MAP2K3: variants seen among roughly 807,000 people sequenced by gnomAD.
MAP2K3 encodes mitogen-activated protein kinase kinase 3.
A neutral mutation model predicts 46.4 loss-of-function variants in MAP2K3; 30 were observed. The observed-to-expected ratio is 0.65, with a 90% CI of 0.48 to 0.88. The LOEUF is 0.88. Ranked by LOEUF, MAP2K3 falls within the 40% of genes least tolerant of loss-of-function variation. The pLI, the probability that MAP2K3 is intolerant of heterozygous loss-of-function variation, is 0.00. For missense variants in MAP2K3, 380 were observed against 464.5 expected (o/e 0.82, Z 1.67); for synonymous variants, 189 against 176.3 (o/e 1.07, Z -0.57).
Position 21,303,521 on chromosome 17 carries a change from T to C in MAP2K3, c.568+287T>C, listed in dbSNP as rs987621513. 7.4e-4 allele frequency among the ~76,000 whole-genome samples: 113 copies of C among 152,372 alleles called. No homozygotes were observed. In the South Asian group the frequency reaches 9.3e-3, roughly 13 times the overall value. On this transcript the variant is annotated intron_variant, in intron 7 of 11. Transcript: ENST00000342679. ...GTGAAACTCCAGCATAGAGTGCATA[T>C]AATCATGTTCACACCCATGCAACCA... is the stretch of plus-strand genomic sequence containing the variant.
rs1316019842 is a variant in MAP2K3, at chr17:21,303,172, C to A, written c.517-11C>A. On this transcript the variant is annotated splice_polypyrimidine_tract_variant and intron_variant, in intron 6 of 11. Coordinates refer to ENST00000342679, the MANE Select transcript of MAP2K3 (RefSeq NM_145109.3). ...GTCCTGTCTCTTCCCTCCTCCCCACCCCACCGCCAGATCGTGCGGGCCCTG... is the reference window on the plus strand; with the variant it reads ...GTCCTGTCTCTTCCCTCCTCCCCACACCACCGCCAGATCGTGCGGGCCCTG... 6.2e-7 allele frequency: 1 copy of A among 1,614,236 alleles called. No homozygotes were observed. The highest frequency in any genetic ancestry group is 1.7e-5 in the Admixed American group (1 of 60,024).
chr17:21,297,469 G>A (rs1347700179), intron 1 of MAP2K3, among the ~76,000 whole-genome samples: 1 of 152,310 alleles, frequency 6.6e-6, no homozygotes, highest in Non-Finnish European at 1.5e-5. Flanking sequence ...TGGTCTCCGG[G>A]AGCCGTGTCA....
chr17:21,294,698 G>T (rs2363233), intron 1 of MAP2K3, among the ~76,000 whole-genome samples: 36 of 152,422 alleles, frequency 2.4e-4, no homozygotes, highest in African/African-American at 8.2e-4. Flanking sequence ...GGGTGGACAG[G>T]GGTGGTCTGG....
chr17:21,298,788 C>T, intron 2 of MAP2K3, 90 bp from the exon 3 acceptor site: 3 of 1,595,058 alleles, frequency 1.9e-6, no homozygotes, highest in Non-Finnish European at 2.6e-6. Context: ...ACCTCGTCCC[C>T]ACGCCAGGCC....
chr17:21,296,290 G>T (rs113374835), intron 1 of MAP2K3: 118,374 of 878,036 alleles, frequency 0.13, 9 homozygotes, highest in Middle Eastern at 0.16. Context: ...CAGGGTCGCA[G>T]AGCTGGAGTT....
chr17:21,302,118 G>A, intron 5 of MAP2K3, 25 bp from the exon 6 acceptor site: 1 of 1,613,480 alleles, frequency 6.2e-7, no homozygotes, highest in Non-Finnish European at 8.5e-7. Context: ...CGGCAGCCTG[G>A]CTGAGCTCTG....
intron 5 of MAP2K3, among the ~76,000 whole-genome samples, chr17:21,301,636 C>G (rs1976606509): frequency 6.6e-6 from 1 of 152,308 alleles, no homozygotes; most frequent in Non-Finnish European, 1.5e-5. Flanking sequence ...TCCTCTGTGC[C>G]AGCCCCTAGC....
At chr17:21,313,318 C>T (rs1977250931) in intron 10 of MAP2K3, among the ~76,000 whole-genome samples, 174 bp from the exon 11 acceptor site, 2 of 152,188 alleles carry the variant, frequency 1.3e-5, no homozygotes, top group African/African-American at 4.8e-5. Context: ...CTAGTTTGCT[C>T]CTATGAATGC....
rs1314272643 is a variant in MAP2K3, at chr17:21,284,983, G to A, written c.49+14G>A. ...CCCAGTCCAAAGGTAGGCGCTCCCGGCCGGGACCTCGGCCTGACCCCGCGC... is the reference window on the plus strand; with the variant it reads ...CCCAGTCCAAAGGTAGGCGCTCCCGACCGGGACCTCGGCCTGACCCCGCGC... On this transcript the variant is annotated intron_variant, in intron 1 of 11. Transcript: ENST00000342679. The A allele has an allele frequency of 1.2e-6, 2 of 1,606,220 alleles. No individual in the cohort carries two copies. The highest frequency in any genetic ancestry group is 1.6e-4 in the Middle Eastern group (1 of 6,070).
At chr17:21,300,815 A>G in intron 4 of MAP2K3, 59 bp from the exon 5 acceptor site, 7 of 1,613,172 alleles carry the variant, frequency 4.3e-6, no homozygotes, top group South Asian at 1.1e-5. Context: ...CCCTCCTGTC[A>G]TGAGTGTGGG....
At chr17:21,301,488 G>A (rs916698350) in intron 5 of MAP2K3, among the ~76,000 whole-genome samples, 3 of 152,312 alleles carry the variant, frequency 2.0e-5, no homozygotes, top group Non-Finnish European at 4.4e-5. Context: ...GAGGCCGGGA[G>A]CCTAGGCGAT....
Position 21,310,142 on chromosome 17 carries a change from T to C in MAP2K3, c.775-2000T>C, listed in dbSNP as rs529129690. The stretch of plus-strand genomic sequence containing the variant: ...TGCCTCACTCAATCTCCCAAGTAGC[T>C]GGGATTACAGGTGTGCACCACCACA... On this transcript the variant is annotated intron_variant, in intron 9 of 11. Coordinates refer to ENST00000342679, the MANE Select transcript of MAP2K3 (RefSeq NM_145109.3). 1.5e-4 allele frequency among the ~76,000 whole-genome samples: 23 copies of C among 152,162 alleles called. No homozygotes were observed. The South Asian group carries it at 4.2e-3, about 27-fold the overall frequency.
intron 1 of MAP2K3, among the ~76,000 whole-genome samples, chr17:21,297,906 G>A (rs1384625000): frequency 2.0e-5 from 3 of 150,932 alleles, no homozygotes; most frequent in Non-Finnish European, 3.0e-5. Context: ...GGCAGCCCGG[G>A]CTGGAGTCCC....
chr17:21,285,482 A>G (rs1975698094), intron 1 of MAP2K3, among the ~76,000 whole-genome samples: 1 of 151,950 alleles, frequency 6.6e-6, no homozygotes, highest in East Asian at 1.9e-4. Context: ...TGTACCCCCT[A>G]TGCGGGTGCT....
Position 21,284,796 on chromosome 17 carries a change from C to A in MAP2K3, c.-125C>A, listed in dbSNP as rs1975678852. 3.5e-6 allele frequency: 4 copies of A among 1,146,840 alleles called. No individual in the cohort carries two copies. Among genetic ancestry groups the A allele is most frequent in the Non-Finnish European group, 4.7e-6 (4 of 847,326 alleles). The allele number at this position is 1,146,840 out of a possible 1,614,324, so 71.0% of individuals were successfully genotyped here. ...TCGCCGCAGTCGCCGCCGCCGCCGC[C>A]GCCGCCGCCGCTGCTCCTCCGCCTG... On this transcript the variant is annotated 5_prime_UTR_variant, in exon 1 of 12. Transcript: ENST00000342679.
chr17:21,314,381 G>C lies in MAP2K3; in HGVS notation c.*151G>C. The C allele has an allele frequency of 8.4e-6, 6 of 710,136 alleles. No individual in the cohort carries two copies. The highest frequency in any genetic ancestry group is 1.4e-5 in the Non-Finnish European group (6 of 415,890). 44.0% of individuals were successfully genotyped at this position (710,136 alleles called of 1,614,324 possible). On this transcript the variant is annotated 3_prime_UTR_variant, in exon 12 of 12. Transcript: ENST00000342679. ...CTGCTCCCACCTGGCTCTGTGGCGAGCCATTTGTCCCAAGTGCCAAAGAAG... is the reference window on the plus strand; with the variant it reads ...CTGCTCCCACCTGGCTCTGTGGCGACCCATTTGTCCCAAGTGCCAAAGAAG...
intron 1 of MAP2K3, among the ~76,000 whole-genome samples, chr17:21,297,996 C>T (rs907129426): frequency 8.2e-6 from 1 of 122,206 alleles, no homozygotes; most frequent in African/African-American, 3.0e-5. Context: ...CATCCTGCTA[C>T]CTGCAGCTAA....
intron 1 of MAP2K3, among the ~76,000 whole-genome samples, chr17:21,290,099 G>A (rs537722836): frequency 6.6e-6 from 1 of 152,358 alleles, no homozygotes; most frequent in East Asian, 1.9e-4. Flanking sequence ...AGGTTTACAT[G>A]TGCCAGTGTG....
intron 1 of MAP2K3, among the ~76,000 whole-genome samples, chr17:21,292,853 G>A (rs754105322): frequency 6.6e-6 from 1 of 152,310 alleles, no homozygotes; most frequent in Non-Finnish European, 1.5e-5. Context: ...TCCCTGGGAG[G>A]CCACTCCTCG....
Sources: allele counts gnomAD v4.1 joint callset (sites outside exome capture counted in the v4.1 genomes callset), GRCh38; gene constraint gnomAD v4.1.1; transcripts MANE v1.5; gene names NCBI Gene and HGNC (gene_info 2026-07-23, HGNC 2026-07-21).